Variants in MAN1C1 observed in about 807,000 individuals in gnomAD.
MAN1C1 encodes the protein mannosidase alpha class 1C member 1.
Under a neutral mutation model 71.5 loss-of-function variants are expected in MAN1C1, and 49 were observed. The observed-to-expected ratio is 0.69, with a 90% CI of 0.54 to 0.87. MAN1C1 has a LOEUF of 0.87. MAN1C1 is among the 40% of genes least tolerant of loss of function. The pLI is 0.00. For missense variants in MAN1C1, 743 were observed against 835.0 expected, an observed-to-expected ratio of 0.89 and a Z score of 1.36; for synonymous variants, 352 against 343.7, an observed-to-expected ratio of 1.02 and a Z score of -0.27.
chr1:25,720,081 G>T (rs12091792), intron 2 of MAN1C1, among the ~76,000 whole-genome samples: 1,807 of 152,294 alleles, frequency 0.012, 29 homozygotes, highest in African/African-American at 0.039. Flanking sequence ...ACAGTGCCTG[G>T]CCTCGTAGTG....
intron 2 of MAN1C1, among the ~76,000 whole-genome samples, chr1:25,710,601 T>A (rs1272107361): frequency 6.6e-6 from 1 of 152,200 alleles, no homozygotes; most frequent in African/African-American, 2.4e-5. Flanking sequence ...GCTACTATGG[T>A]TTGATTTTCA....
intron 1 of MAN1C1, among the ~76,000 whole-genome samples, chr1:25,647,615 T>G (rs2045633700): frequency 6.6e-6 from 1 of 152,134 alleles, no homozygotes; most frequent in Non-Finnish European, 1.5e-5. Context: ...TGGTCAAAAC[T>G]ACCCTCGAAA....
Position 25,758,647 on chromosome 1 carries a change from T to C in MAN1C1, c.985T>C (p.Ser329Pro). 1 of 1,614,170 alleles carries C rather than the reference T, an allele frequency of 6.2e-7. No individual in the cohort carries two copies. The highest frequency in any genetic ancestry group is 8.5e-7 in the Non-Finnish European group (1 of 1,180,028). Residue 329 changes from serine (S) to proline (P), a missense_variant, in exon 6 of 12, where the codon TCC becomes CCC. Coordinates refer to ENST00000374332, the MANE Select transcript of MAN1C1 (RefSeq NM_020379.4). The part of the protein sequence containing the change: ...GSSSILAEFG[S>P]LHLEFLHLTE... ...CAGCAGCATCTTGGCGGAGTTTGGA[T>C]CCCTGCACTTGGAATTCTTACACCT...
intron 2 of MAN1C1, among the ~76,000 whole-genome samples, chr1:25,738,147 C>T (rs1449363875): frequency 6.6e-6 from 1 of 152,152 alleles, no homozygotes; most frequent in Non-Finnish European, 1.5e-5. Context: ...AAATATCTTT[C>T]CTTCCAGAGG....
At chr1:25,721,348 C>T (rs1029178923) in intron 2 of MAN1C1, among the ~76,000 whole-genome samples, 14 of 152,150 alleles carry the variant, frequency 9.2e-5, no homozygotes, top group Non-Finnish European at 1.6e-4. Context: ...ATAGGGATTA[C>T]ACTGAATTTA....
chr1:25,717,696 G>A (rs2046701152), intron 2 of MAN1C1, among the ~76,000 whole-genome samples: 1 of 151,578 alleles, frequency 6.6e-6, no homozygotes, highest in Non-Finnish European at 1.5e-5. Flanking sequence ...CTCCTGAGTA[G>A]CTGGGATTAC....
At chr1:25,749,799 A>T (rs941306264) in intron 4 of MAN1C1, among the ~76,000 whole-genome samples, 8 of 152,182 alleles carry the variant, frequency 5.3e-5, no homozygotes, top group African/African-American at 1.9e-4. Context: ...CTTAGGACTG[A>T]TAAAGCCAAG....
intron 2 of MAN1C1, among the ~76,000 whole-genome samples, chr1:25,736,210 G>A (rs866146652): frequency 2.6e-5 from 4 of 152,148 alleles, no homozygotes; most frequent in Non-Finnish European, 5.9e-5. Flanking sequence ...CCCAGTCCCT[G>A]CCCAGCTCTG....
intron 2 of MAN1C1, among the ~76,000 whole-genome samples, chr1:25,728,133 A>G (rs2046858609): frequency 6.6e-6 from 1 of 152,172 alleles, no homozygotes; most frequent in Non-Finnish European, 1.5e-5. Context: ...GCATCTCTCA[A>G]AGGGCTGAAC....
At chr1:25,689,992 C>T (rs769064410) in intron 2 of MAN1C1, among the ~76,000 whole-genome samples, 14 of 152,172 alleles carry the variant, frequency 9.2e-5, no homozygotes, top group Non-Finnish European at 1.8e-4. Context: ...CGAGGGCAGT[C>T]GGATGCCCAA....
chr1:25,753,778 T>C lies in MAN1C1; in HGVS notation c.929+200T>C, dbSNP rs909016031. ...CACAGGGAGAGGACCATACCTACCT[T>C]GGGAGCCACAGTGAGTCGGTGGCAC... On this transcript the variant is annotated intron_variant, in intron 5 of 11. Coordinates refer to ENST00000374332, the MANE Select transcript of MAN1C1 (RefSeq NM_020379.4). The surrounding 1 kb of genome is among the most constrained non-coding windows in gnomAD (Gnocchi z 4.9). Among the ~76,000 whole-genome samples, 1 of 152,084 alleles carries C rather than the reference T, an allele frequency of 6.6e-6. No individual in the cohort carries two copies. The highest frequency in any genetic ancestry group is 1.5e-5 in the Non-Finnish European group (1 of 67,982).
intron 1 of MAN1C1, among the ~76,000 whole-genome samples, chr1:25,632,932 A>G (rs2045405558): frequency 6.8e-6 from 1 of 147,946 alleles, no homozygotes; most frequent in African/African-American, 2.5e-5. Flanking sequence ...CAGTGGCACA[A>G]TCTTGGCTCA....
chr1:25,704,673 C>T (rs532718228), intron 2 of MAN1C1, among the ~76,000 whole-genome samples: 9 of 152,342 alleles, frequency 5.9e-5, no homozygotes, highest in East Asian at 5.8e-4. Context: ...CCCCGAACTC[C>T]GGCTGATCCT....
At position 25,634,816 on chromosome 1, in the gene MAN1C1, T is replaced by C. The variant is rs2045433227; in HGVS notation, c.540+16479T>C. Among the ~76,000 whole-genome samples the C allele has an allele frequency of 6.6e-6, 1 of 151,730 alleles. No homozygotes were observed. Among genetic ancestry groups the C allele is most frequent in the Admixed American group, 6.6e-5 (1 of 15,250 alleles). On this transcript the variant is annotated intron_variant, in intron 1 of 11. Transcript: ENST00000374332. This position sits in a 1 kb window ranked among gnomAD's most constrained non-coding sequence, Gnocchi z 4.6. ...GCCTGGGCAACAGAGCGAGACTCTG[T>C]CTCAAAAAAAAATAATAATAAAATA... is the stretch of plus-strand genomic sequence containing the variant.
At chr1:25,656,318 G>A (rs907248608) in intron 1 of MAN1C1, among the ~76,000 whole-genome samples, 1 of 151,680 alleles carries the variant, frequency 6.6e-6, no homozygotes, top group African/African-American at 2.4e-5. Context: ...GCCCGGTCTC[G>A]AACTCCTGAC....
At chr1:25,690,995 T>TA (rs2046301431) in intron 2 of MAN1C1, among the ~76,000 whole-genome samples, 1 of 152,076 alleles carries the variant, frequency 6.6e-6, no homozygotes, top group Non-Finnish European at 1.5e-5. Context: ...CGCTAGGCTT[T>TA]GGGGGAATAT....
intron 2 of MAN1C1, among the ~76,000 whole-genome samples, chr1:25,694,153 G>A (rs1312655751): frequency 6.6e-6 from 1 of 152,164 alleles, no homozygotes; most frequent in Non-Finnish European, 1.5e-5. Flanking sequence ...GCTGGGTAAG[G>A]GCTGGGTCTT....
At chr1:25,707,944 C>T (rs1465623164) in intron 2 of MAN1C1, among the ~76,000 whole-genome samples, 2 of 152,194 alleles carry the variant, frequency 1.3e-5, no homozygotes, top group Non-Finnish European at 2.9e-5. Flanking sequence ...AGGATGGACC[C>T]TGTCAGAAGT....
intron 7 of MAN1C1, among the ~76,000 whole-genome samples, chr1:25,767,983 C>T (rs1275724064): frequency 1.8e-5 from 2 of 112,450 alleles, no homozygotes; most frequent in Non-Finnish European, 1.8e-5. Context: ...ACACACACCA[C>T]ACACACATTA....
Sources: allele counts gnomAD v4.1 joint callset (sites outside exome capture counted in the v4.1 genomes callset), GRCh38; gene constraint gnomAD v4.1.1; non-coding constraint Gnocchi (gnomAD v3.1); transcripts MANE v1.5; gene names NCBI Gene and HGNC (gene_info 2026-07-23, HGNC 2026-07-21).